The following HS3ST4 variants were observed in gnomAD, a reference collection of about 807,000 sequenced individuals.
HS3ST4 encodes the protein heparan sulfate-glucosamine 3-sulfotransferase 4.
Under a neutral mutation model 29.2 loss-of-function variants are expected in HS3ST4, and 17 were observed. That is an observed-to-expected ratio of 0.58 (90% CI 0.40 to 0.87). The LOEUF is 0.87. Among genes scored for constraint, HS3ST4 ranks in the 40% least tolerant of loss-of-function variants. The pLI is 0.00. For missense variants in HS3ST4, 627 were observed against 634.5 expected (o/e 0.99, Z 0.13); for synonymous variants, 314 against 285.7 (o/e 1.10, Z -1.00).
intron 1 of HS3ST4, among the ~76,000 whole-genome samples, chr16:26,084,662 A>G (rs1215066907): frequency 6.6e-6 from 1 of 152,146 alleles, no homozygotes; most frequent in African/African-American, 2.4e-5. Context: ...GCTCTGGAGT[A>G]CAGTAGCATG....
chr16:25,951,562 T>C (rs942127133), intron 1 of HS3ST4, among the ~76,000 whole-genome samples: 1 of 152,336 alleles, frequency 6.6e-6, no homozygotes, highest in East Asian at 1.9e-4. Flanking sequence ...TCCAACCTAC[T>C]TAGCAAAGCT....
chr16:25,748,490 A>T (rs1966698978), intron 1 of HS3ST4, among the ~76,000 whole-genome samples: 1 of 152,192 alleles, frequency 6.6e-6, no homozygotes, highest in South Asian at 2.1e-4. Context: ...CATATTATGC[A>T]AACATTAAGA....
In HS3ST4 at chr16:25,959,509, C is replaced by G. The variant is rs117794504; in HGVS notation, c.735-176103C>G. Among the ~76,000 whole-genome samples, 81 of 152,296 alleles carry G rather than the reference C, an allele frequency of 5.3e-4. 2 individuals are homozygous for G. In the East Asian group the frequency reaches 0.014, roughly 27 times the overall value. On this transcript the variant is annotated intron_variant, in intron 1 of 1. Transcript: ENST00000331351. The stretch of plus-strand genomic sequence containing the variant: ...TTACAAAGAAGTCACTGAGCCAGCA[C>G]AGAGTCAAGGTGCAGGTAACTAAAC...
intron 1 of HS3ST4, among the ~76,000 whole-genome samples, chr16:25,746,662 C>T (rs1966687439): frequency 6.6e-6 from 1 of 151,998 alleles, no homozygotes; most frequent in Non-Finnish European, 1.5e-5. Flanking sequence ...AGCAATTCTC[C>T]TGCCTCAGCC....
At chr16:25,792,056 A>T (rs1966870376) in intron 1 of HS3ST4, among the ~76,000 whole-genome samples, 1 of 152,004 alleles carries the variant, frequency 6.6e-6, no homozygotes, top group Non-Finnish European at 1.5e-5. Context: ...TTTGCTTCAA[A>T]TGATTATGAA....
chr16:25,828,314 C>T lies in HS3ST4; in HGVS notation c.734+135163C>T, dbSNP rs1231036597. On this transcript the variant is annotated intron_variant, in intron 1 of 1. Transcript: ENST00000331351. ...TTTCTTTCTTTCCCTCTCTCTCTCT[C>T]TCTCTCTCTCTCTCTCTCTCTCTCT... Among the ~76,000 whole-genome samples the T allele has an allele frequency of 5.5e-3, 598 of 108,932 alleles. 32 individuals are homozygous for T. The highest frequency in any genetic ancestry group is 0.02 in the African/African-American group (491 of 24,260). 71.5% of individuals were successfully genotyped at this position (108,932 alleles called of 152,430 possible).
At chr16:26,052,129 C>G (rs1479164686) in intron 1 of HS3ST4, among the ~76,000 whole-genome samples, 3 of 152,076 alleles carry the variant, frequency 2.0e-5, no homozygotes, top group African/African-American at 7.2e-5. Context: ...AGGGTTGTGT[C>G]CCACACCCAG....
chr16:26,122,097 C>T (rs939110897), intron 1 of HS3ST4, among the ~76,000 whole-genome samples: 10 of 151,306 alleles, frequency 6.6e-5, no homozygotes, highest in African/African-American at 9.7e-5. Flanking sequence ...TTTAGATCCA[C>T]GCTACCCAAC....
At chr16:25,889,773 T>A (rs540113746) in intron 1 of HS3ST4, among the ~76,000 whole-genome samples, 2 of 152,260 alleles carry the variant, frequency 1.3e-5, no homozygotes, top group African/African-American at 4.8e-5. Context: ...ATTGTAATAA[T>A]CCCCACATGT....
At chr16:26,022,043 G>A (rs1319062028) in intron 1 of HS3ST4, among the ~76,000 whole-genome samples, 1 of 152,134 alleles carries the variant, frequency 6.6e-6, no homozygotes, top group East Asian at 1.9e-4. Flanking sequence ...GTCCACTGCA[G>A]CCTTGAACTT....
At chr16:25,762,483 G>T (rs1435478182) in intron 1 of HS3ST4, among the ~76,000 whole-genome samples, 1 of 152,162 alleles carries the variant, frequency 6.6e-6, no homozygotes, top group East Asian at 1.9e-4. Context: ...CAGAAGGAGG[G>T]TGCTGAGGCA....
intron 1 of HS3ST4, among the ~76,000 whole-genome samples, chr16:26,057,105 T>C (rs1234618955): frequency 6.6e-6 from 1 of 152,126 alleles, no homozygotes; most frequent in Non-Finnish European, 1.5e-5. Flanking sequence ...GATTTTCAGA[T>C]TTCAGATGCT....
intron 1 of HS3ST4, among the ~76,000 whole-genome samples, chr16:25,790,900 A>G (rs971595738): frequency 3.9e-5 from 6 of 152,314 alleles, no homozygotes; most frequent in Admixed American, 6.5e-5. Flanking sequence ...TAATTTTTAT[A>G]TAGCCTAGTT....
intron 1 of HS3ST4, among the ~76,000 whole-genome samples, chr16:25,764,789 T>C (rs2141608105): frequency 6.6e-6 from 1 of 152,388 alleles, no homozygotes; most frequent in East Asian, 1.9e-4. Flanking sequence ...CCCTGCCATA[T>C]GGGCCACTTG....
At chr16:25,951,511 G>A (rs1968683099) in intron 1 of HS3ST4, among the ~76,000 whole-genome samples, 1 of 152,140 alleles carries the variant, frequency 6.6e-6, no homozygotes, top group Non-Finnish European at 1.5e-5. Flanking sequence ...TGCAGGAACT[G>A]TCACCTGGTA....
At chr16:26,058,524 C>G (rs1358733955) in intron 1 of HS3ST4, among the ~76,000 whole-genome samples, 1 of 152,058 alleles carries the variant, frequency 6.6e-6, no homozygotes, top group Non-Finnish European at 1.5e-5. Context: ...CTCTGTGGAG[C>G]CTGTGGCTAA....
chr16:26,087,636 G>T (rs1296537774), intron 1 of HS3ST4, among the ~76,000 whole-genome samples: 2 of 152,072 alleles, frequency 1.3e-5, no homozygotes, highest in African/African-American at 4.8e-5. Flanking sequence ...TTGCAATAAG[G>T]CTGAGTATCC....
At chr16:25,838,945 C>G (rs781388689) in intron 1 of HS3ST4, among the ~76,000 whole-genome samples, 1 of 152,108 alleles carries the variant, frequency 6.6e-6, no homozygotes, top group Non-Finnish European at 1.5e-5. Context: ...GAAATCAAAT[C>G]GGTCTTGGCA....
chr16:26,134,452 T>A (rs1898254297), intron 1 of HS3ST4, among the ~76,000 whole-genome samples: 1 of 148,522 alleles, frequency 6.7e-6, no homozygotes, highest in Admixed American at 6.8e-5. Context: ...AACCTCTGCC[T>A]CCTGGGTCCA....
Sources: allele counts gnomAD v4.1 joint callset (sites outside exome capture counted in the v4.1 genomes callset), GRCh38; gene constraint gnomAD v4.1.1; transcripts MANE v1.5; gene names NCBI Gene and HGNC (gene_info 2026-07-23, HGNC 2026-07-21).